Variants in SF3A2 observed in about 807,000 individuals in gnomAD.
SF3A2 encodes the protein splicing factor 3a subunit 2, also known as SAP 62.
A neutral mutation model predicts 31.1 loss-of-function variants in SF3A2; 5 were observed. The ratio of observed to expected loss-of-function variants is 0.16; its 90% confidence interval spans 0.08 to 0.34. The LOEUF (loss-of-function observed/expected upper bound fraction) is 0.34, where lower values mean the gene tolerates loss of function less well. Ranked by LOEUF, SF3A2 falls within the 10% of genes least tolerant of loss-of-function variation. The pLI is 1.00. For missense variants in SF3A2, 577 were observed against 643.9 expected, an observed-to-expected ratio of 0.90 and a Z score of 1.13; for synonymous variants, 365 against 263.7, an observed-to-expected ratio of 1.38 and a Z score of -3.72.
chr19:2,245,846 A>G lies in SF3A2; in HGVS notation c.355+291A>G. The G allele has an allele frequency of 2.2e-6, 1 of 454,508 alleles. No homozygotes were observed. Among genetic ancestry groups the G allele is most frequent in the Non-Finnish European group, 4.0e-6 (1 of 249,438 alleles). 28.2% of individuals were successfully genotyped at this position (454,508 alleles called of 1,614,324 possible). On this transcript the variant is annotated intron_variant, in intron 5 of 8. Transcript: ENST00000221494. This position sits in a 1 kb window ranked among gnomAD's most constrained non-coding sequence, Gnocchi z 4.2. ...CTTCTGGGAATTCTTGCCAAGCAAA[A>G]GAGTGGAAGTGGAGGTGTGGTGAGC...
At chr19:2,243,264 G>A (rs1036408812) in intron 1 of SF3A2, 118 bp from the exon 2 acceptor site, 17 of 775,432 alleles carry the variant, frequency 2.2e-5, no homozygotes, top group Middle Eastern at 3.1e-4. Flanking sequence ...AGACCCTGGC[G>A]CTGGGAGTGC....
intron 1 of SF3A2, among the ~76,000 whole-genome samples, chr19:2,242,428 ACAGCG>A (rs2024899153): frequency 6.6e-6 from 1 of 152,124 alleles, no homozygotes; most frequent in Non-Finnish European, 1.5e-5. Context: ...ATTCACAGCC[ACAGCG>A]CAGCCTCTCT....
Position 2,248,443 on chromosome 19 carries a change from C to T in SF3A2, c.1292C>T (p.Ser431Leu). The T allele has an allele frequency of 1.5e-6, 2 of 1,361,536 alleles. No homozygotes were observed. The highest frequency in any genetic ancestry group is 9.5e-7 in the Non-Finnish European group (1 of 1,054,728). 84.3% of individuals were successfully genotyped at this position (1,361,536 alleles called of 1,614,324 possible). A position where few individuals can be genotyped will look rare whatever the true frequency, so the allele number is the denominator to read the frequency against. Residue 431 changes from serine to leucine, a missense_variant, in exon 9 of 9, where the codon TCA becomes TTA. Physicochemically the swap from Ser to Leu is moderately radical, Grantham distance 145. Coordinates refer to ENST00000221494, the MANE Select transcript of SF3A2 (RefSeq NM_007165.5). Reference protein sequence around the residue: ...VHPQPPGVHPSNPGVHPPTPM... With the variant: ...VHPQPPGVHPLNPGVHPPTPM... The stretch of plus-strand genomic sequence containing the variant: ...CCTCAGCCTCCGGGAGTTCACCCCT[C>T]AAATCCTGGGGTGCACCCCCCAACT...
In SF3A2 at chr19:2,248,153, T is replaced by TGGAGTCCACCCCCCAGCCCCC. The variant is rs1568390895; in HGVS notation, c.1013_1014insCCCAGCCCCCGGAGTCCACCC (p.Ala361_Pro367dup). On this transcript the variant is annotated inframe_insertion, in exon 9 of 9. Coordinates refer to ENST00000221494, the MANE Select transcript of SF3A2 (RefSeq NM_007165.5). ...CCTCTGGGGTCCACCCCCCAGCTCCTGGAGTCCACCCTCCAGCCCCCGGGG... is the reference window on the plus strand; with the variant it reads ...CCTCTGGGGTCCACCCCCCAGCTCCTGGAGTCCACCCCCCAGCCCCCGGAGTCCACCCTCCAGCCCCCGGGG... The TGGAGTCCACCCCCCAGCCCCC allele has an allele frequency of 1.5e-6, 2 of 1,335,824 alleles. No homozygotes were observed. The highest frequency in any genetic ancestry group is 1.0e-6 in the Non-Finnish European group (1 of 980,316). 82.7% of individuals were successfully genotyped at this position (1,335,824 alleles called of 1,614,324 possible).
chr19:2,237,775 A>T (rs1170561429), intron 1 of SF3A2: 2 of 152,112 alleles, frequency 1.3e-5, no homozygotes, highest in Non-Finnish European at 2.9e-5. Context: ...CTTCAACATC[A>T]TGCCAAAGGC....
chr19:2,240,463 T>C (rs138049607), intron 1 of SF3A2, among the ~76,000 whole-genome samples: 23 of 152,260 alleles, frequency 1.5e-4, no homozygotes, highest in Non-Finnish European at 2.5e-4. Context: ...GGAGGGACAG[T>C]GTGGGTGTTC....
At chr19:2,241,667 G>A (rs908729458) in intron 1 of SF3A2, among the ~76,000 whole-genome samples, 5 of 152,202 alleles carry the variant, frequency 3.3e-5, no homozygotes, top group African/African-American at 1.2e-4. Flanking sequence ...CCCTGGTCCT[G>A]AAGAATGTGT....
At chr19:2,244,190 G>A (rs145094181) in intron 2 of SF3A2, among the ~76,000 whole-genome samples, 5 of 150,976 alleles carry the variant, frequency 3.3e-5, no homozygotes, top group South Asian at 2.1e-4. Flanking sequence ...TACTGCTGGC[G>A]TGGTGGCGTG....
chr19:2,247,965 T>C lies in SF3A2; in HGVS notation c.814T>C (p.Ser272Pro), dbSNP rs749901354. Residue 272 changes from serine (S) to proline (P), a missense_variant, in exon 9 of 9, where the codon TCA (serine) becomes CCA (proline). Physicochemically the swap from Ser to Pro is moderately conservative, Grantham distance 74. Coordinates refer to ENST00000221494, the MANE Select transcript of SF3A2 (RefSeq NM_007165.5). ...PPMPPTGPAP[S>P]GPPGPPQLPP... ...CATGCCCCCCACAGGGCCTGCGCCC[T>C]CAGGGCCCCCGGGACCACCCCAGCT... is the stretch of plus-strand genomic sequence containing the variant. 1.4e-5 allele frequency: 16 copies of C among 1,161,584 alleles called. No homozygotes were observed. Among genetic ancestry groups the C allele is most frequent in the South Asian group, 1.2e-4 (9 of 77,456 alleles). The allele number at this position is 1,161,584 out of a possible 1,614,324, so 72.0% of individuals were successfully genotyped here.
Position 2,245,606 on chromosome 19 carries a change from G to A in SF3A2, c.355+51G>A, listed in dbSNP as rs2024925020. On this transcript the variant is annotated intron_variant, in intron 5 of 8. Transcript: ENST00000221494. This position sits in a 1 kb window ranked among gnomAD's most constrained non-coding sequence, Gnocchi z 4.2. ...CCACAGCCGCTGCCGTGACATAAGTGTGTTCTTTAGTCTCCAGTGCGGGAG... is the reference window on the plus strand; with the variant it reads ...CCACAGCCGCTGCCGTGACATAAGTATGTTCTTTAGTCTCCAGTGCGGGAG... 2 of 1,311,774 alleles carry A rather than the reference G, an allele frequency of 1.5e-6. No homozygotes were observed. The highest frequency in any genetic ancestry group is 2.2e-6 in the Non-Finnish European group (2 of 928,930). 81.3% of individuals were successfully genotyped at this position (1,311,774 alleles called of 1,614,324 possible). A position where few individuals can be genotyped will look rare whatever the true frequency, so the allele number is the denominator to read the frequency against.
chr19:2,247,818 C>T lies in SF3A2; in HGVS notation c.667C>T (p.Leu223Phe). 1 of 1,606,008 alleles carries T rather than the reference C, an allele frequency of 6.2e-7. No homozygotes were observed. Among genetic ancestry groups the T allele is most frequent in the Non-Finnish European group, 8.5e-7 (1 of 1,176,292 alleles). ...KMEKPPAPPS[L>F]PAGPPGVKRP... ...GGAGAAGCCCCCGGCTCCACCCAGC[C>T]TCCCTGCTGGCCCCCCTGGGGTGAA... is the stretch of plus-strand genomic sequence containing the variant. The change falls in exon 9 of 9, where the codon CTC (leucine) becomes TTC (phenylalanine). Residue 223 changes from leucine to phenylalanine, a missense_variant. Physicochemically the swap from Leu to Phe is conservative, Grantham distance 22. This residue lies in a region of SF3A2 where 462 missense variants were observed against 339.1 expected (regional missense o/e 1.36). Transcript: ENST00000221494.
At position 2,245,425 on chromosome 19, in the gene SF3A2, G is replaced by C; in HGVS notation, c.246-21G>C. ...GCCTGTGTGTGGAGGGGTCCCAGCA[G>C]CACCTCCATCCTGTCCGCAGGGCCC... is the stretch of plus-strand genomic sequence containing the variant. On this transcript the variant is annotated intron_variant, in intron 4 of 8. Coordinates refer to ENST00000221494, the MANE Select transcript of SF3A2 (RefSeq NM_007165.5). This position sits in a 1 kb window ranked among gnomAD's most constrained non-coding sequence, Gnocchi z 4.2. 2 of 1,532,430 alleles carry C rather than the reference G, an allele frequency of 1.3e-6. No individual in the cohort carries two copies. The highest frequency in any genetic ancestry group is 1.8e-6 in the Non-Finnish European group (2 of 1,131,818). The allele number at this position is 1,532,430 out of a possible 1,614,324, so 94.9% of individuals were successfully genotyped here.
rs960230980 is a variant in SF3A2 at position 2,245,115 on chromosome 19, C to G, written c.246-331C>G. ...GCAGGAGAATCTTGAATCTGGGAGGCAGAGATTGCAGTGAACCAAGGTGCT... is the reference window on the plus strand; with the variant it reads ...GCAGGAGAATCTTGAATCTGGGAGGGAGAGATTGCAGTGAACCAAGGTGCT... On this transcript the variant is annotated intron_variant, in intron 4 of 8. Transcript: ENST00000221494. The surrounding 1 kb of genome is among the most constrained non-coding windows in gnomAD (Gnocchi z 4.2). 4.0e-6 allele frequency: 2 copies of G among 495,900 alleles called. No individual in the cohort carries two copies. The highest frequency in any genetic ancestry group is 2.8e-5 in the South Asian group (1 of 35,346). 30.7% of individuals were successfully genotyped at this position (495,900 alleles called of 1,614,324 possible).
intron 7 of SF3A2, 57 bp downstream of exon 7, chr19:2,247,079 T>C (rs2024942147): frequency 8.3e-6 from 13 of 1,565,158 alleles, no homozygotes; most frequent in Non-Finnish European, 1.1e-5. Flanking sequence ...CAGAAGGATC[T>C]GCATAGGCTG....
chr19:2,239,358 A>C (rs1276957299), intron 1 of SF3A2, among the ~76,000 whole-genome samples: 3 of 2,124 alleles, frequency 1.4e-3, no homozygotes, highest in South Asian at 0.01. Flanking sequence ...ATCCGTCTCA[A>C]AAAAAAAAAA....
chr19:2,243,585 GC>G, intron 2 of SF3A2, 41 bp downstream of exon 2: 1 of 1,505,288 alleles, frequency 6.6e-7, no homozygotes, highest in East Asian at 2.7e-5. Flanking sequence ...TGGGTGCTGG[GC>G]TTTCCAGGGC....
chr19:2,248,129 C>T lies in SF3A2; in HGVS notation c.978C>T (p.Thr326=), dbSNP rs778832791. 74 of 1,343,978 alleles carry T rather than the reference C, an allele frequency of 5.5e-5. No homozygotes were observed. The African/African-American group carries it at 5.9e-4, about 11-fold the overall frequency. 83.3% of individuals were successfully genotyped at this position (1,343,978 alleles called of 1,614,324 possible). ...HPPAPGVHPP[T]SGVHPPAPGV... ...CAGCCCCTGGGGTCCACCCACCAAC[C>T]TCTGGGGTCCACCCCCCAGCTCCTG... The change falls in exon 9 of 9, where the codon ACC becomes ACT. Residue 326 remains threonine, a synonymous_variant. Coordinates refer to ENST00000221494, the MANE Select transcript of SF3A2 (RefSeq NM_007165.5).
At position 2,245,575 on chromosome 19, in the gene SF3A2, G is replaced by A; in HGVS notation, c.355+20G>A. The stretch of plus-strand genomic sequence containing the variant: ...ACAAAGGTGAGTCTGCCCGCAGCGG[G>A]GCCGGCCACAGCCGCTGCCGTGACA... On this transcript the variant is annotated intron_variant, in intron 5 of 8. Transcript: ENST00000221494. This position sits in a 1 kb window ranked among gnomAD's most constrained non-coding sequence, Gnocchi z 4.2. 1 of 1,511,668 alleles carries A rather than the reference G, an allele frequency of 6.6e-7. No homozygotes were observed. The allele number at this position is 1,511,668 out of a possible 1,614,324, so 93.6% of individuals were successfully genotyped here.
chr19:2,248,072 C>A lies in SF3A2; in HGVS notation c.921C>A (p.Gly307=). ...CTGGGGTCCATCCCCCAGCTCCTGG[C>A]GTCCACCCCCCAGCTCCTGGCGTCC... ...PASGVHPPAP[G]VHPPAPGVHP... The change falls in exon 9 of 9, where the codon GGC becomes GGA. Residue 307 remains glycine (G), a synonymous_variant. Coordinates refer to ENST00000221494, the MANE Select transcript of SF3A2 (RefSeq NM_007165.5). 3.3e-6 allele frequency: 3 copies of A among 903,716 alleles called. No individual in the cohort carries two copies. Among genetic ancestry groups the A allele is most frequent in the Non-Finnish European group, 5.1e-6 (3 of 583,704 alleles). 56.0% of individuals were successfully genotyped at this position (903,716 alleles called of 1,614,324 possible). A position where few individuals can be genotyped will look rare whatever the true frequency, so the allele number is the denominator to read the frequency against.
Sources: allele counts gnomAD v4.1 joint callset (sites outside exome capture counted in the v4.1 genomes callset), GRCh38; gene constraint gnomAD v4.1.1; regional missense constraint gnomAD v4.1.1; non-coding constraint Gnocchi (gnomAD v3.1); transcripts MANE v1.5; gene names NCBI Gene and HGNC (gene_info 2026-07-23, HGNC 2026-07-21).